ROBO2: variants seen among roughly 807,000 people sequenced by gnomAD.
ROBO2 encodes the protein roundabout guidance receptor 2, also known as roundabout homolog 2.
In ROBO2, 53 loss-of-function variants were observed where a neutral mutation model predicts 160.8. The observed-to-expected ratio is 0.33, with a 90% confidence interval of 0.26 to 0.41. The LOEUF (loss-of-function observed/expected upper bound fraction) is 0.41, where lower values mean the gene tolerates loss of function less well. ROBO2 is among the 10% of genes least tolerant of loss of function. The pLI is 1.00. For synonymous variants in ROBO2, 664 were observed against 611.7 expected, an observed-to-expected ratio of 1.09 and a Z score of -1.26; for missense variants, 1,577 against 1,722.4, an observed-to-expected ratio of 0.92 and a Z score of 1.49.
intron 2 of ROBO2, among the ~76,000 whole-genome samples, chr3:76,317,651 T>C (rs2072151435): frequency 6.6e-6 from 1 of 152,170 alleles, no homozygotes; most frequent in African/African-American, 2.4e-5. Flanking sequence ...TAATACCTTA[T>C]CTTTCTTACA....
chr3:77,546,204 T>G, intron 6 of ROBO2, 134 bp from the exon 8 acceptor site: 1 of 987,958 alleles, frequency 1.0e-6, no homozygotes, highest in Non-Finnish European at 1.5e-6. Context: ...TTTTGAGAAA[T>G]GTGTAAAAGT....
chr3:75,913,772 T>A (rs1349191461), intron 1 of ROBO2, among the ~76,000 whole-genome samples: 1 of 152,220 alleles, frequency 6.6e-6, no homozygotes, highest in Admixed American at 6.5e-5. Context: ...CTCATCCATA[T>A]AAGAAAGCAC....
At chr3:77,493,448 G>T (rs940927944) in intron 5 of ROBO2, 66 bp downstream of exon 5, 2 of 1,545,110 alleles carry the variant, frequency 1.3e-6, no homozygotes, top group Non-Finnish European at 1.8e-6. Context: ...TAAAAGGACA[G>T]CTACAATGCC....
chr3:77,336,023 G>T (rs1459612901), intron 2 of ROBO2, among the ~76,000 whole-genome samples: 1 of 152,214 alleles, frequency 6.6e-6, no homozygotes, highest in Non-Finnish European at 1.5e-5. Context: ...CCTTTTAAAA[G>T]TAGAATGGAC....
intron 2 of ROBO2, among the ~76,000 whole-genome samples, chr3:76,205,953 C>T (rs1702782030): frequency 6.6e-6 from 1 of 152,142 alleles, no homozygotes; most frequent in South Asian, 2.1e-4. Flanking sequence ...CAACTTTTTA[C>T]TAGTCCACTT....
intron 2 of ROBO2, among the ~76,000 whole-genome samples, chr3:77,141,579 G>T (rs2076707776): frequency 6.6e-6 from 1 of 152,150 alleles, no homozygotes; most frequent in Admixed American, 6.6e-5. Context: ...TTTGTGATGT[G>T]CAATTTCTGG....
At chr3:76,736,283 A>AAAAGT (rs2093711081) in intron 2 of ROBO2, among the ~76,000 whole-genome samples, 1 of 119,450 alleles carries the variant, frequency 8.4e-6, no homozygotes, top group African/African-American at 3.9e-5. Flanking sequence ...CTCCGTCTCA[A>AAAAGT]AAAATAAAAT....
chr3:77,608,017 T>G, intron 21 of ROBO2, 63 bp downstream of exon 22: 1 of 1,556,068 alleles, frequency 6.4e-7, no homozygotes, highest in Non-Finnish European at 8.9e-7. Context: ...GTTGTTCATT[T>G]TTGCCATCAT....
At chr3:77,209,138 C>G (rs1342242709) in intron 2 of ROBO2, among the ~76,000 whole-genome samples, 1 of 151,986 alleles carries the variant, frequency 6.6e-6, no homozygotes, top group Non-Finnish European at 1.5e-5. Flanking sequence ...AAACTTTATT[C>G]CAGAATTATC....
At chr3:76,840,645 TTATATATA>T (rs3068959) in intron 2 of ROBO2, among the ~76,000 whole-genome samples, 13,184 of 134,910 alleles carry the variant, frequency 0.098, 717 homozygotes, top group South Asian at 0.12. Context: ...TAATTATATT[TTATATATA>T]TATATATATA....
intron 2 of ROBO2, among the ~76,000 whole-genome samples, chr3:76,518,862 A>T (rs1460926988): frequency 6.6e-6 from 1 of 152,224 alleles, no homozygotes; most frequent in Non-Finnish European, 1.5e-5. Flanking sequence ...CTTTGGCCAT[A>T]GGGATCAGAG....
intron 2 of ROBO2, among the ~76,000 whole-genome samples, chr3:76,591,327 G>T (rs1312570712): frequency 6.6e-6 from 1 of 152,060 alleles, no homozygotes; most frequent in Non-Finnish European, 1.5e-5. Flanking sequence ...AGATAAAAAG[G>T]AAAGATTGGT....
chr3:77,260,941 G>T (rs371708626), intron 2 of ROBO2, among the ~76,000 whole-genome samples: 1 of 152,118 alleles, frequency 6.6e-6, no homozygotes, highest in Admixed American at 6.5e-5. Flanking sequence ...AGGAAACTGC[G>T]TTTGTGTGAC....
At chr3:77,583,396 C>T (rs1313677999) in intron 16 of ROBO2, among the ~76,000 whole-genome samples, 1 of 151,786 alleles carries the variant, frequency 6.6e-6, no homozygotes, top group Non-Finnish European at 1.5e-5. Context: ...TAGTCTTCTA[C>T]TTGTTTGCAA....
intron 2 of ROBO2, among the ~76,000 whole-genome samples, chr3:76,153,958 G>A (rs1460606528): frequency 6.6e-6 from 1 of 152,074 alleles, no homozygotes; most frequent in Admixed American, 6.6e-5. Context: ...AGCCTATAAC[G>A]TATTTCAAGA....
At chr3:76,951,658 A>G (rs1203380490) in intron 2 of ROBO2, among the ~76,000 whole-genome samples, 1 of 152,206 alleles carries the variant, frequency 6.6e-6, no homozygotes, top group Non-Finnish European at 1.5e-5. Context: ...AACAGCAAGC[A>G]TGTACGATAT....
chr3:76,325,878 G>A (rs111565462), intron 2 of ROBO2, among the ~76,000 whole-genome samples: 370 of 152,164 alleles, frequency 2.4e-3, no homozygotes, highest in Middle Eastern at 6.8e-3. Flanking sequence ...AATAACAAAA[G>A]TTAGGTGGAT....
At chr3:76,350,388 A>G (rs2074799937) in intron 2 of ROBO2, among the ~76,000 whole-genome samples, 1 of 152,084 alleles carries the variant, frequency 6.6e-6, no homozygotes, top group South Asian at 2.1e-4. Context: ...CTTAGTGCAG[A>G]TCCAGGCTTA....
intron 2 of ROBO2, among the ~76,000 whole-genome samples, chr3:76,853,988 T>C (rs2069707625): frequency 6.6e-6 from 1 of 150,972 alleles, no homozygotes; most frequent in Admixed American, 6.6e-5. Context: ...GAAAAATGCA[T>C]AGATAAATGG....
Sources: gnomAD v4.1 joint callset for allele counts (sites outside exome capture counted in the v4.1 genomes callset) on GRCh38, gnomAD v4.1.1 for gene constraint, MANE v1.5 for transcripts, NCBI Gene and HGNC (gene_info 2026-07-23, HGNC 2026-07-21) for gene names.